SDCCAG8: variants seen among roughly 807,000 people sequenced by gnomAD.
SDCCAG8 encodes the protein serologically defined colon cancer antigen 8.
In SDCCAG8, 74 loss-of-function variants were observed where a neutral mutation model predicts 101.8. The ratio of observed to expected loss-of-function variants is 0.73; its 90% CI spans 0.60 to 0.88. The LOEUF (loss-of-function observed/expected upper bound fraction) is 0.88, where lower values mean the gene tolerates loss of function less well. Ranked by LOEUF, SDCCAG8 falls within the 40% of genes least tolerant of loss-of-function variation. The probability of loss-of-function intolerance (pLI) is 0.00; values close to 1 mark genes in which losing one functional copy is unlikely to be tolerated. For synonymous variants in SDCCAG8, 281 were observed against 292.9 expected (o/e 0.96, Z 0.41); for missense variants, 787 against 822.6 (o/e 0.96, Z 0.53).
intron 8 of SDCCAG8, among the ~76,000 whole-genome samples, chr1:243,314,990 G>A (rs763919830): frequency 2.6e-5 from 4 of 152,206 alleles, no homozygotes; most frequent in Admixed American, 2.0e-4. Context: ...AATTACAGGC[G>A]TGAGCCACTG....
At chr1:243,259,043 G>A (rs781003894) in intron 1 of SDCCAG8, among the ~76,000 whole-genome samples, 1 of 152,178 alleles carries the variant, frequency 6.6e-6, no homozygotes, top group Non-Finnish European at 1.5e-5. Context: ...CAGCCAGGAA[G>A]TGGCCGCATA....
At chr1:243,378,653 A>G in intron 12 of SDCCAG8, 68 bp from the exon 13 acceptor site, 1 of 1,526,560 alleles carries the variant, frequency 6.6e-7, no homozygotes. Flanking sequence ...AAAAATAAAA[A>G]TGAGCTAATT....
At chr1:243,418,645 TC>T (rs2080773569) in intron 15 of SDCCAG8, among the ~76,000 whole-genome samples, 1 of 152,220 alleles carries the variant, frequency 6.6e-6, no homozygotes, top group Non-Finnish European at 1.5e-5. Flanking sequence ...ATGACTTTTT[TC>T]TATACACTTT....
At chr1:243,323,879 A>T (rs1042896452) in intron 9 of SDCCAG8, among the ~76,000 whole-genome samples, 2 of 152,080 alleles carry the variant, frequency 1.3e-5, no homozygotes, top group East Asian at 1.9e-4. Flanking sequence ...GATTTAGCTG[A>T]TATGTTACTC....
chr1:243,336,542 G>A (rs1423125404), intron 10 of SDCCAG8, among the ~76,000 whole-genome samples: 3 of 152,194 alleles, frequency 2.0e-5, no homozygotes, highest in African/African-American at 4.8e-5. Flanking sequence ...CATGTCTTCT[G>A]TGGTTGGAGC....
chr1:243,256,107 G>A lies in SDCCAG8; in HGVS notation c.-67G>A, dbSNP rs959858895. The stretch of plus-strand genomic sequence containing the variant: ...GGCGCTCCCCGGCCACAGGCCTGTT[G>A]TTCTCGGAAGGGAGAAAGCTGGACA... On this transcript the variant is annotated 5_prime_UTR_variant, in exon 1 of 18. Coordinates refer to ENST00000366541, the MANE Select transcript of SDCCAG8 (RefSeq NM_006642.5). The A allele has an allele frequency of 6.7e-6, 10 of 1,493,218 alleles. No individual in the cohort carries two copies. Among genetic ancestry groups the A allele is most frequent in the African/African-American group, 2.8e-5 (2 of 72,610 alleles). The allele number at this position is 1,493,218 out of a possible 1,614,324, so 92.5% of individuals were successfully genotyped here. A position where few individuals can be genotyped will look rare whatever the true frequency, so the allele number is the denominator to read the frequency against.
chr1:243,298,600 A>G (rs2071196879), intron 6 of SDCCAG8, among the ~76,000 whole-genome samples: 1 of 152,106 alleles, frequency 6.6e-6, no homozygotes. Flanking sequence ...TACAGATGCA[A>G]GCTACCATGC....
At chr1:243,469,829 G>GTT (rs1660857556) in intron 16 of SDCCAG8, among the ~76,000 whole-genome samples, 2 of 130,558 alleles carry the variant, frequency 1.5e-5, no homozygotes, top group African/African-American at 7.2e-5. Context: ...CGAAAGTGTT[G>GTT]GTTTTTTTTT....
At chr1:243,307,268 CACCA>C in intron 7 of SDCCAG8, 1 of 274,614 alleles carries the variant, frequency 3.6e-6, no homozygotes, top group Non-Finnish European at 5.5e-6. Flanking sequence ...CCCACACCCA[CACCA>C]CCCCCACCCC....
At chr1:243,281,937 G>A (rs188230644) in intron 4 of SDCCAG8, among the ~76,000 whole-genome samples, 74 of 152,134 alleles carry the variant, frequency 4.9e-4, no homozygotes, top group Admixed American at 1.0e-3. Flanking sequence ...GTGAGCCACT[G>A]CACCTGTCCC....
At chr1:243,343,775 T>C (rs2075525191) in intron 11 of SDCCAG8, among the ~76,000 whole-genome samples, 1 of 152,232 alleles carries the variant, frequency 6.6e-6, no homozygotes, top group South Asian at 2.1e-4. Context: ...CATTTCCTTT[T>C]AAAGAGCATA....
intron 16 of SDCCAG8, among the ~76,000 whole-genome samples, chr1:243,467,923 G>A (rs1219621138): frequency 6.6e-6 from 1 of 152,144 alleles, no homozygotes; most frequent in Admixed American, 6.5e-5. Context: ...GTAAAGTTTG[G>A]TAGCATACAC....
chr1:243,313,018 A>T (rs997769221), intron 8 of SDCCAG8, among the ~76,000 whole-genome samples: 17 of 152,196 alleles, frequency 1.1e-4, no homozygotes, highest in African/African-American at 3.6e-4. Context: ...GAACTGCTTA[A>T]ATTCCTTTCT....
chr1:243,373,627 A>G (rs1018385934), intron 12 of SDCCAG8, among the ~76,000 whole-genome samples: 2 of 152,030 alleles, frequency 1.3e-5, no homozygotes, highest in Admixed American at 6.6e-5. Flanking sequence ...TACACTTCTC[A>G]TGGTTAATCA....
At chr1:243,479,486 A>AG (rs1225197618) in intron 16 of SDCCAG8, among the ~76,000 whole-genome samples, 3 of 152,246 alleles carry the variant, frequency 2.0e-5, no homozygotes, top group African/African-American at 7.2e-5. Context: ...AAGTTTATTT[A>AG]GGGGCGCTGC....
intron 12 of SDCCAG8, among the ~76,000 whole-genome samples, chr1:243,351,493 T>G (rs2076080287): frequency 6.6e-6 from 1 of 152,228 alleles, no homozygotes; most frequent in Non-Finnish European, 1.5e-5. Context: ...GTGAACTTCA[T>G]GCTGGCTACA....
intron 12 of SDCCAG8, among the ~76,000 whole-genome samples, chr1:243,353,539 C>T (rs1045008526): frequency 2.5e-5 from 3 of 121,404 alleles, no homozygotes; most frequent in Non-Finnish European, 3.4e-5. Context: ...TTGCCCAGCA[C>T]GGATAGAAGA....
chr1:243,480,327 T>TTG (rs1663236608), intron 16 of SDCCAG8, among the ~76,000 whole-genome samples: 1 of 93,822 alleles, frequency 1.1e-5, no homozygotes, highest in African/African-American at 4.5e-5. Flanking sequence ...ATGGGTGGGA[T>TTG]GGATGGATGG....
chr1:243,387,496 C>T (rs1309511667), intron 13 of SDCCAG8, among the ~76,000 whole-genome samples: 1 of 152,180 alleles, frequency 6.6e-6, no homozygotes, highest in African/African-American at 2.4e-5. Context: ...AGGTATTATA[C>T]TGTGACCTAC....
Sources: allele counts gnomAD v4.1 joint callset (sites outside exome capture counted in the v4.1 genomes callset), GRCh38; gene constraint gnomAD v4.1.1; transcripts MANE v1.5; gene names NCBI Gene and HGNC (gene_info 2026-07-23, HGNC 2026-07-21).